BRINP1: variants seen among roughly 807,000 people sequenced by gnomAD.
BRINP1 encodes the protein BMP/retinoic acid inducible neural specific 1, also known as BMP/retinoic acid-inducible neural-specific protein 1.
Under a neutral mutation model 72.9 loss-of-function variants are expected in BRINP1, and 17 were observed. The ratio of observed to expected loss-of-function variants is 0.23; its 90% CI spans 0.16 to 0.35. BRINP1 has a LOEUF of 0.35. Ranked by LOEUF, BRINP1 falls within the 10% of genes least tolerant of loss-of-function variation. BRINP1 has a pLI of 1.00. For synonymous variants in BRINP1, 418 were observed against 378.5 expected, an observed-to-expected ratio of 1.10 and a Z score of -1.21; for missense variants, 850 against 1,001.6, an observed-to-expected ratio of 0.85 and a Z score of 2.04.
At chr9:119,291,109 A>T (rs1260976750) in intron 2 of BRINP1, among the ~76,000 whole-genome samples, 1 of 145,466 alleles carries the variant, frequency 6.9e-6, no homozygotes, top group Non-Finnish European at 1.5e-5. Context: ...GGCGACAAGA[A>T]TGAACTCCAT....
chr9:119,262,689 C>A lies in BRINP1; in HGVS notation c.219-13539G>T, dbSNP rs116198513. 6.2e-3 allele frequency among the ~76,000 whole-genome samples: 868 copies of A among 139,660 alleles called. 9 individuals carry two copies. The highest frequency in any genetic ancestry group is 0.021 in the African/African-American group (785 of 37,904). The allele number at this position is 139,660 out of a possible 152,430, so 91.6% of individuals were successfully genotyped here. A position where few individuals can be genotyped will look rare whatever the true frequency, so the allele number is the denominator to read the frequency against. On this transcript the variant is annotated intron_variant, in intron 2 of 7. Transcript: ENST00000265922. ...AAAGCTGAAATTGGACTTGGAGGAA[C>A]AAACACTGGACTGTGGGCACAGGCA...
At chr9:119,264,529 C>T (rs1830529484) in intron 2 of BRINP1, among the ~76,000 whole-genome samples, 1 of 152,214 alleles carries the variant, frequency 6.6e-6, no homozygotes, top group Non-Finnish European at 1.5e-5. Flanking sequence ...TTCAAATTCC[C>T]AGCTCCTTCC....
intron 2 of BRINP1, among the ~76,000 whole-genome samples, chr9:119,259,231 G>A (rs900135641): frequency 5.9e-5 from 9 of 152,142 alleles, no homozygotes; most frequent in African/African-American, 2.2e-4. Flanking sequence ...CCACTCATTA[G>A]CCGAGTGAAC....
At chr9:119,222,862 T>A (rs1263571196) in intron 5 of BRINP1, among the ~76,000 whole-genome samples, 1 of 151,976 alleles carries the variant, frequency 6.6e-6, no homozygotes, top group East Asian at 1.9e-4. Flanking sequence ...AATTTCAACA[T>A]GAACATGTTC....
rs1830746514 is a variant in BRINP1, at chr9:119,285,162, G to A, written c.218+27976C>T. ...CTCCTGCTGCAGTGTGGAGTGGACT[G>A]GCCACTCCTTCGCATACTAATCAAG... On this transcript the variant is annotated intron_variant, in intron 2 of 7. Transcript: ENST00000265922. Among the ~76,000 whole-genome samples the A allele has an allele frequency of 2.7e-5, 4 of 150,574 alleles. No homozygotes were observed. In the South Asian group the frequency reaches 8.5e-4, roughly 32 times the overall value.
intron 1 of BRINP1, among the ~76,000 whole-genome samples, chr9:119,361,991 C>T (rs1314398787): frequency 2.0e-5 from 3 of 151,756 alleles, no homozygotes; most frequent in Non-Finnish European, 4.4e-5. Context: ...TTAGTAGAGA[C>T]ACGGATTCAC....
intron 7 of BRINP1, among the ~76,000 whole-genome samples, chr9:119,194,796 G>A (rs746018505): frequency 6.6e-6 from 1 of 152,136 alleles, no homozygotes; most frequent in Non-Finnish European, 1.5e-5. Flanking sequence ...CCACTGGTAA[G>A]AGCCTGGTCT....
chr9:119,239,751 T>G (rs185956631), intron 4 of BRINP1, among the ~76,000 whole-genome samples: 443 of 152,314 alleles, frequency 2.9e-3, no homozygotes, highest in Non-Finnish European at 5.2e-3. Context: ...GAGATTATAT[T>G]TTTGAAGGGT....
rs184163806 is a variant in BRINP1 at position 119,228,836 on chromosome 9, C to T, written c.685+9819G>A. ...GCTAGAAAGGGAATTTGGGACCCCA[C>T]GAATGTGGGGAAACCATGGAGTGAT... On this transcript the variant is annotated intron_variant, in intron 5 of 7. Coordinates refer to ENST00000265922, the MANE Select transcript of BRINP1 (RefSeq NM_014618.3). Among the ~76,000 whole-genome samples, 157 of 152,146 alleles carry T rather than the reference C, an allele frequency of 1.0e-3. 1 individual carries two copies. The highest frequency in any genetic ancestry group is 1.9e-3 in the Non-Finnish European group (126 of 67,962).
intron 5 of BRINP1, among the ~76,000 whole-genome samples, chr9:119,235,670 C>T (rs1356957738): frequency 6.6e-6 from 1 of 152,138 alleles, no homozygotes; most frequent in Non-Finnish European, 1.5e-5. Context: ...TCATTACCAA[C>T]ATGAGTTCTT....
chr9:119,287,416 T>C, intron 2 of BRINP1, among the ~76,000 whole-genome samples: 1 of 152,230 alleles, frequency 6.6e-6, no homozygotes, highest in East Asian at 1.9e-4. Context: ...ACAAGTTTAT[T>C]AACTTCTCTG....
At chr9:119,308,935 G>A (rs1564244481) in intron 2 of BRINP1, among the ~76,000 whole-genome samples, 1 of 151,142 alleles carries the variant, frequency 6.6e-6, no homozygotes, top group Non-Finnish European at 1.5e-5. Flanking sequence ...TGAAATAATT[G>A]CTAAATTTAC....
chr9:119,336,559 G>C (rs2119017352), intron 1 of BRINP1, among the ~76,000 whole-genome samples: 1 of 152,238 alleles, frequency 6.6e-6, no homozygotes, highest in South Asian at 2.1e-4. Context: ...GTGAAATGTG[G>C]GAGAGAGAGT....
At position 119,222,069 on chromosome 9, in the gene BRINP1, C is replaced by T. The variant is rs78770769; in HGVS notation, c.686-7914G>A. Among the ~76,000 whole-genome samples the T allele has an allele frequency of 3.4e-3, 512 of 152,146 alleles. 2 individuals are homozygous for T. Among genetic ancestry groups the T allele is most frequent in the African/African-American group, 0.012 (485 of 41,532 alleles). ...TGTTTTGGCCAATGAAATATGAGTG[C>T]GAGTGATGTGTGTCTTTTCCAAACA... On this transcript the variant is annotated intron_variant, in intron 5 of 7. Transcript: ENST00000265922.
intron 2 of BRINP1, among the ~76,000 whole-genome samples, 153 bp from the exon 3 acceptor site, chr9:119,249,303 A>G (rs1830353969): frequency 6.6e-6 from 1 of 152,214 alleles, no homozygotes; most frequent in African/African-American, 2.4e-5. Flanking sequence ...GGAGCTTCCA[A>G]TCATCTGCAA....
intron 3 of BRINP1, among the ~76,000 whole-genome samples, chr9:119,246,476 C>T (rs763532648): frequency 4.6e-5 from 7 of 152,324 alleles, no homozygotes; most frequent in East Asian, 1.9e-4. Context: ...CTTTGGGACT[C>T]GGACTTGCTT....
intron 2 of BRINP1, among the ~76,000 whole-genome samples, chr9:119,300,375 A>G (rs1830927237): frequency 6.6e-6 from 1 of 152,186 alleles, no homozygotes; most frequent in Non-Finnish European, 1.5e-5. Flanking sequence ...TAGTATAACT[A>G]AACTCTTTGA....
rs773563962 is a variant in BRINP1, at chr9:119,213,915, C to G, written c.922+4G>C. On this transcript the variant is annotated splice_donor_region_variant and intron_variant, in intron 6 of 7. Transcript: ENST00000265922. ...ATGCAGTGGCACTGAGTGAGACTCT[C>G]TACCTGAATTCTCCAGGTCCTTATA... is the stretch of plus-strand genomic sequence containing the variant. 2.5e-6 allele frequency: 4 copies of G among 1,610,938 alleles called. No homozygotes were observed. The Admixed American group carries it at 6.7e-5, about 27-fold the overall frequency.
At chr9:119,273,348 G>A (rs1408734339) in intron 2 of BRINP1, among the ~76,000 whole-genome samples, 1 of 152,184 alleles carries the variant, frequency 6.6e-6, no homozygotes, top group African/African-American at 2.4e-5. Context: ...GCAAGTGAGT[G>A]TGAACCCTGG....
Sources: gnomAD v4.1 joint callset for allele counts (sites outside exome capture counted in the v4.1 genomes callset) on GRCh38, gnomAD v4.1.1 for gene constraint, MANE v1.5 for transcripts, NCBI Gene and HGNC (gene_info 2026-07-23, HGNC 2026-07-21) for gene names.